CDK14: variants seen among roughly 807,000 people sequenced by gnomAD.
CDK14 encodes the protein cyclin-dependent kinase 14.
In CDK14, 34 loss-of-function variants were observed where a neutral mutation model predicts 60.7. That is an observed-to-expected ratio of 0.56 (90% confidence interval 0.43 to 0.75). The LOEUF is 0.75. Ranked by LOEUF, CDK14 falls within the 30% of genes least tolerant of loss-of-function variation. The pLI, the probability that CDK14 is intolerant of heterozygous loss-of-function variation, is 0.00. For synonymous variants in CDK14, 197 were observed against 203.7 expected (o/e 0.97, Z 0.28); for missense variants, 482 against 564.1 (o/e 0.85, Z 1.47).
chr7:91,192,428 C>T (rs940261765), intron 14 of CDK14, among the ~76,000 whole-genome samples: 3 of 152,162 alleles, frequency 2.0e-5, no homozygotes, highest in African/African-American at 7.2e-5. Flanking sequence ...AACTCTAGGA[C>T]AGACTAAAAA....
intron 5 of CDK14, among the ~76,000 whole-genome samples, chr7:90,815,496 G>A (rs955334512): frequency 1.3e-5 from 2 of 152,308 alleles, no homozygotes; most frequent in Non-Finnish European, 2.9e-5. Flanking sequence ...AACCATTGTG[G>A]AATGCAGTAT....
intron 7 of CDK14, among the ~76,000 whole-genome samples, chr7:90,916,810 C>CT (rs1793097136): frequency 6.6e-6 from 1 of 152,158 alleles, no homozygotes; most frequent in African/African-American, 2.4e-5. Context: ...GTGAATCACA[C>CT]TTTTTTGTTA....
chr7:90,839,715 A>G (rs1423079937), intron 5 of CDK14, among the ~76,000 whole-genome samples: 1 of 152,178 alleles, frequency 6.6e-6, no homozygotes, highest in East Asian at 1.9e-4. Context: ...CCCTTTCTCT[A>G]GTATAAACTA....
chr7:90,747,685 CA>C lies in CDK14; in HGVS notation c.376del (p.Ser126ValfsTer16). 6.3e-7 allele frequency: 1 copy of C among 1,586,634 alleles called. No homozygotes were observed. Among genetic ancestry groups the C allele is most frequent in the Non-Finnish European group, 8.6e-7 (1 of 1,167,578 alleles). On this transcript the variant is annotated frameshift_variant, in exon 4 of 15. Coordinates refer to ENST00000380050, the MANE Select transcript of CDK14 (RefSeq NM_001287135.2). LOFTEE classifies it high-confidence loss of function. Reference sequence around the variant, plus strand: ...TACCCTGTGCTTCATTTTTAGCCAACAAGTCCCAAATTTGGAAAAGCTGACT... The same window carrying C: ...TACCCTGTGCTTCATTTTTAGCCAACAGTCCCAAATTTGGAAAAGCTGACT... Reference protein sequence around the residue: ...VRRHSSPSSPTSPKFGKADSY... With the variant: ...VRRHSSPSSPXSPKFGKADSY...
At position 91,007,084 on chromosome 7, in the gene CDK14, G is replaced by C. The variant is rs78557108; in HGVS notation, c.1041+22843G>C. Among the ~76,000 whole-genome samples, 140 of 152,220 alleles carry C rather than the reference G, an allele frequency of 9.2e-4. 2 individuals carry two copies. The East Asian group carries it at 0.026, about 28-fold the overall frequency. ...AGAGGAGGATTGCTGGGTGCACTTT[G>C]AACATTTTTATAAATTTTGACAAAT... On this transcript the variant is annotated intron_variant, in intron 10 of 14. Coordinates refer to ENST00000380050, the MANE Select transcript of CDK14 (RefSeq NM_001287135.2).
At chr7:91,096,573 A>AG (rs1162611000) in intron 12 of CDK14, among the ~76,000 whole-genome samples, 2 of 152,246 alleles carry the variant, frequency 1.3e-5, no homozygotes, top group African/African-American at 4.8e-5. Flanking sequence ...TAAAAAAAAA[A>AG]GAAAAGAAAA....
chr7:91,045,643 G>C (rs910614854), intron 10 of CDK14, among the ~76,000 whole-genome samples: 1 of 152,108 alleles, frequency 6.6e-6, no homozygotes, highest in Non-Finnish European at 1.5e-5. Context: ...TACTTATTAA[G>C]TTTGGACTTG....
At chr7:90,745,138 A>G (rs948055077) in intron 3 of CDK14, among the ~76,000 whole-genome samples, 1 of 152,154 alleles carries the variant, frequency 6.6e-6, no homozygotes, top group South Asian at 2.1e-4. Context: ...TGTATCTGCA[A>G]TATATTCTGA....
chr7:90,868,966 A>G (rs1368561781), intron 6 of CDK14, among the ~76,000 whole-genome samples: 1 of 152,220 alleles, frequency 6.6e-6, no homozygotes, highest in Non-Finnish European at 1.5e-5. Context: ...GGTCTAAGGT[A>G]TGTATGATGT....
intron 7 of CDK14, among the ~76,000 whole-genome samples, chr7:90,913,634 T>A (rs1792980108): frequency 6.6e-6 from 1 of 152,198 alleles, no homozygotes; most frequent in African/African-American, 2.4e-5. Flanking sequence ...TTCAGTGGGA[T>A]TGAAGAATAT....
chr7:91,145,263 C>T (rs1800590122), intron 14 of CDK14, among the ~76,000 whole-genome samples: 1 of 152,118 alleles, frequency 6.6e-6, no homozygotes, highest in Non-Finnish European at 1.5e-5. Flanking sequence ...CCATATAGTG[C>T]CTTATTTCTT....
intron 8 of CDK14, among the ~76,000 whole-genome samples, chr7:90,930,044 G>T (rs1428805351): frequency 3.9e-5 from 6 of 152,026 alleles, no homozygotes; most frequent in Non-Finnish European, 8.8e-5. Flanking sequence ...CTGTTCAACA[G>T]TAAAATTAGT....
intron 2 of CDK14, among the ~76,000 whole-genome samples, chr7:90,706,420 TCTTA>T (rs1222094613): frequency 1.3e-5 from 2 of 152,172 alleles, no homozygotes; most frequent in African/African-American, 4.8e-5. Flanking sequence ...CAGCAACTCT[TCTTA>T]CTGTTTATTT....
chr7:91,026,648 C>T (rs1796577400), intron 10 of CDK14, among the ~76,000 whole-genome samples: 1 of 152,168 alleles, frequency 6.6e-6, no homozygotes, highest in African/African-American at 2.4e-5. Context: ...CATCGTCTCT[C>T]CCCTCCCTCA....
intron 4 of CDK14, among the ~76,000 whole-genome samples, chr7:90,785,786 C>CAA (rs34034860): frequency 0.017 from 767 of 45,804 alleles, 21 homozygotes; most frequent in African/African-American, 0.051. Context: ...GACTCCGTCT[C>CAA]AAAAAAAAAA....
At chr7:90,950,505 AAG>A (rs1459415630) in intron 8 of CDK14, among the ~76,000 whole-genome samples, 1 of 152,212 alleles carries the variant, frequency 6.6e-6, no homozygotes, top group Non-Finnish European at 1.5e-5. Context: ...GGAGGAAGAA[AAG>A]AGGGAAAATT....
chr7:90,665,506 G>T (rs894464332), intron 2 of CDK14, among the ~76,000 whole-genome samples: 8 of 152,144 alleles, frequency 5.3e-5, no homozygotes, highest in Admixed American at 1.3e-4. Context: ...CAGTAAGGCT[G>T]TGAGGGTACA....
At chr7:90,729,033 A>G (rs1802745389) in intron 3 of CDK14, among the ~76,000 whole-genome samples, 1 of 150,290 alleles carries the variant, frequency 6.7e-6, no homozygotes, top group Admixed American at 6.6e-5. Flanking sequence ...CAACTTTCTC[A>G]TGATTTTTTT....
At chr7:90,998,061 T>G (rs994357436) in intron 10 of CDK14, among the ~76,000 whole-genome samples, 2 of 152,224 alleles carry the variant, frequency 1.3e-5, no homozygotes. Flanking sequence ...AAATAATCAG[T>G]GCATAGAGTG....
Sources: allele counts gnomAD v4.1 joint callset (sites outside exome capture counted in the v4.1 genomes callset), GRCh38; gene constraint gnomAD v4.1.1; transcripts MANE v1.5; gene names NCBI Gene and HGNC (gene_info 2026-07-23, HGNC 2026-07-21).